Variants in MACROD2 observed in about 807,000 individuals in gnomAD.
MACROD2 encodes ADP-ribose glycohydrolase MACROD2.
In MACROD2, 36 loss-of-function variants were observed where a neutral mutation model predicts 70.4. The ratio of observed to expected loss-of-function variants is 0.51; its 90% CI spans 0.39 to 0.68. The LOEUF (loss-of-function observed/expected upper bound fraction) is 0.68, where lower values mean the gene tolerates loss of function less well. MACROD2 is among the 30% of genes least tolerant of loss of function. The pLI, the probability that MACROD2 is intolerant of heterozygous loss-of-function variation, is 0.00. For missense variants in MACROD2, 496 were observed against 538.4 expected (o/e 0.92, Z 0.78); for synonymous variants, 172 against 178.8 (o/e 0.96, Z 0.30).
chr20:15,686,872 CAAA>C (rs142175244), intron 8 of MACROD2, among the ~76,000 whole-genome samples: 100 of 69,294 alleles, frequency 1.4e-3, no homozygotes, highest in Admixed American at 3.3e-3. Flanking sequence ...GACTCCATCT[CAAA>C]AAAAAAAAAA....
intron 8 of MACROD2, among the ~76,000 whole-genome samples, chr20:15,543,689 C>T (rs1449234237): frequency 6.6e-6 from 1 of 152,076 alleles, no homozygotes; most frequent in Non-Finnish European, 1.5e-5. Flanking sequence ...TGGCTAAACA[C>T]AGTAGGCACT....
chr20:14,588,061 A>G (rs1981504932), intron 4 of MACROD2, among the ~76,000 whole-genome samples: 1 of 152,138 alleles, frequency 6.6e-6, no homozygotes, highest in Non-Finnish European at 1.5e-5. Flanking sequence ...ACTTTATAAA[A>G]GGAATTAAGA....
chr20:14,413,729 G>A (rs1373943640), intron 3 of MACROD2, among the ~76,000 whole-genome samples: 1 of 152,104 alleles, frequency 6.6e-6, no homozygotes, highest in Non-Finnish European at 1.5e-5. Context: ...ACACAAAACA[G>A]GATCTTTAGA....
In MACROD2 at chr20:14,961,636, C is replaced by T. The variant is rs564543991; in HGVS notation, c.419-268304C>T. Among the ~76,000 whole-genome samples, 86 of 151,734 alleles carry T rather than the reference C, an allele frequency of 5.7e-4. No homozygotes were observed. The Middle Eastern group carries it at 0.017, about 30-fold the overall frequency. ...TAGACCTCCTGGGCTCAAACGATAT[C>T]GCCCACGGCCCCTCAACTCCCCATC... On this transcript the variant is annotated intron_variant, in intron 5 of 17. Coordinates refer to ENST00000684519, the MANE Select transcript of MACROD2 (RefSeq NM_001351661.2).
chr20:15,224,308 A>G (rs1439538894), intron 5 of MACROD2, among the ~76,000 whole-genome samples: 1 of 152,258 alleles, frequency 6.6e-6, no homozygotes. Flanking sequence ...ATTTGCATGT[A>G]TACAAGCATG....
intron 3 of MACROD2, among the ~76,000 whole-genome samples, chr20:14,467,830 G>A (rs76826596): frequency 1.3e-5 from 2 of 151,992 alleles, no homozygotes; most frequent in Non-Finnish European, 2.9e-5. Context: ...CATTAGTTTC[G>A]AAGAACTTAT....
At chr20:14,086,038 C>T (rs1388411048) in intron 3 of MACROD2, among the ~76,000 whole-genome samples, 5 of 152,064 alleles carry the variant, frequency 3.3e-5, no homozygotes, top group Non-Finnish European at 7.4e-5. Flanking sequence ...TTGTTACTTT[C>T]GTAGCTTGAA....
At chr20:15,566,556 A>G (rs1181995212) in intron 8 of MACROD2, among the ~76,000 whole-genome samples, 1 of 151,500 alleles carries the variant, frequency 6.6e-6, no homozygotes, top group Non-Finnish European at 1.5e-5. Context: ...TGCTTACTGT[A>G]TGACTGGGAC....
chr20:14,457,056 G>A (rs2084311996), intron 3 of MACROD2, among the ~76,000 whole-genome samples: 1 of 151,924 alleles, frequency 6.6e-6, no homozygotes, highest in African/African-American at 2.4e-5. Context: ...TTCTTCAAAT[G>A]TGTTACTCGC....
At chr20:15,589,518 A>G (rs2048649469) in intron 8 of MACROD2, among the ~76,000 whole-genome samples, 1 of 152,204 alleles carries the variant, frequency 6.6e-6, no homozygotes, top group Non-Finnish European at 1.5e-5. Context: ...TGATGAACCT[A>G]CATTGACATG....
intron 3 of MACROD2, among the ~76,000 whole-genome samples, chr20:14,091,641 A>G (rs1012582954): frequency 6.6e-6 from 1 of 152,128 alleles, no homozygotes; most frequent in African/African-American, 2.4e-5. Flanking sequence ...ATAATAATAA[A>G]GTCATGTAAA....
intron 9 of MACROD2, among the ~76,000 whole-genome samples, chr20:15,873,778 T>A (rs559891450): frequency 6.6e-6 from 1 of 152,212 alleles, no homozygotes; most frequent in Admixed American, 6.5e-5. Context: ...GAAACCCTTT[T>A]TAATGAAAGA....
intron 3 of MACROD2, among the ~76,000 whole-genome samples, chr20:14,354,675 G>A (rs1187577933): frequency 1.3e-5 from 2 of 152,154 alleles, no homozygotes; most frequent in African/African-American, 4.8e-5. Context: ...GAATGATGCT[G>A]AGGTTCGGGG....
chr20:14,367,868 T>C (rs1216715579), intron 3 of MACROD2, among the ~76,000 whole-genome samples: 2 of 152,202 alleles, frequency 1.3e-5, no homozygotes, highest in East Asian at 3.8e-4. Context: ...CTGTTTCTTT[T>C]TCTCTTCTCC....
intron 5 of MACROD2, among the ~76,000 whole-genome samples, chr20:15,015,531 T>C (rs1600949629): frequency 6.6e-6 from 1 of 151,974 alleles, no homozygotes; most frequent in African/African-American, 2.4e-5. Context: ...AGTACAAGCA[T>C]GTAAAATACA....
At position 14,868,202 on chromosome 20, in the gene MACROD2, T is replaced by A. The variant is rs193221030; in HGVS notation, c.418+183243T>A. On this transcript the variant is annotated intron_variant, in intron 5 of 17. Coordinates refer to ENST00000684519, the MANE Select transcript of MACROD2 (RefSeq NM_001351661.2). ...CTTTTTTCTTTCTTTCTTTTTTTTT[T>A]TAAGAGACAAGTTCTCTCTTTATTG... Among the ~76,000 whole-genome samples the A allele has an allele frequency of 7.7e-4, 117 of 151,726 alleles. 1 individual carries two copies. Among genetic ancestry groups the A allele is most frequent in the African/African-American group, 2.7e-3 (113 of 41,402 alleles).
chr20:14,783,492 C>A (rs1476389855), intron 5 of MACROD2, among the ~76,000 whole-genome samples: 1 of 152,086 alleles, frequency 6.6e-6, no homozygotes, highest in Non-Finnish European at 1.5e-5. Context: ...TACACTAACA[C>A]GTGGTTTTAA....
intron 10 of MACROD2, among the ~76,000 whole-genome samples, chr20:15,886,324 T>C (rs2064821728): frequency 6.6e-6 from 1 of 152,148 alleles, no homozygotes; most frequent in Non-Finnish European, 1.5e-5. Flanking sequence ...GGCCTGGGCT[T>C]CCTCAAAGCA....
At chr20:15,767,628 T>C (rs190744306) in intron 8 of MACROD2, among the ~76,000 whole-genome samples, 256 of 152,336 alleles carry the variant, frequency 1.7e-3, no homozygotes, top group Non-Finnish European at 3.1e-3. Context: ...TTTTCTAGAG[T>C]ATGAAGTCAC....
Sources: gnomAD v4.1 joint callset for allele counts (sites outside exome capture counted in the v4.1 genomes callset) on GRCh38, gnomAD v4.1.1 for gene constraint, MANE v1.5 for transcripts, NCBI Gene and HGNC (gene_info 2026-07-23, HGNC 2026-07-21) for gene names.